DYRK4: variants seen among roughly 807,000 people sequenced by gnomAD.
The protein encoded by DYRK4 is dual specificity tyrosine-phosphorylation-regulated kinase 4.
Under a neutral mutation model 68.3 loss-of-function variants are expected in DYRK4, and 64 were observed. That is an observed-to-expected ratio of 0.94 (90% CI 0.77 to 1.15). The LOEUF (loss-of-function observed/expected upper bound fraction) is 1.15, where lower values mean the gene tolerates loss of function less well. DYRK4 is among the 50% of genes most tolerant of loss of function. The pLI is 0.00. For synonymous variants in DYRK4, 274 were observed against 289.9 expected (o/e 0.95, Z 0.56); for missense variants, 740 against 764.7 (o/e 0.97, Z 0.38).
chr12:4,589,951 A>G (rs1944934856), intron 3 of DYRK4: 1 of 165,332 alleles, frequency 6.0e-6, no homozygotes, highest in Non-Finnish European at 1.3e-5. Context: ...AGTAATAATA[A>G]TAATGGCCAG....
intron 10 of DYRK4, chr12:4,602,502 T>G (rs1263155272): frequency 3.8e-6 from 5 of 1,312,588 alleles, no homozygotes; most frequent in East Asian, 4.6e-5. Context: ...CTTGGACAAG[T>G]CTTGCGGTTG....
chr12:4,607,649 AGCAAATATT>A (rs1171294045), intron 12 of DYRK4, among the ~76,000 whole-genome samples: 2 of 152,220 alleles, frequency 1.3e-5, no homozygotes, highest in African/African-American at 2.4e-5. Context: ...AAGAGCTATC[AGCAAATATT>A]GCAACCTCAA....
At chr12:4,585,755 T>C (rs1262976535) in intron 2 of DYRK4, among the ~76,000 whole-genome samples, 1 of 152,258 alleles carries the variant, frequency 6.6e-6, no homozygotes, top group Non-Finnish European at 1.5e-5. Context: ...TGTGCACATG[T>C]ACCCTAAAAC....
intron 2 of DYRK4, among the ~76,000 whole-genome samples, chr12:4,575,125 G>A (rs976050829): frequency 6.6e-6 from 1 of 152,200 alleles, no homozygotes; most frequent in African/African-American, 2.4e-5. Flanking sequence ...GAACCGCTGG[G>A]TAACAGGATA....
intron 2 of DYRK4, among the ~76,000 whole-genome samples, chr12:4,571,879 C>G (rs1256067478): frequency 2.0e-5 from 3 of 152,232 alleles, no homozygotes; most frequent in Non-Finnish European, 4.4e-5. Flanking sequence ...AAAGGTTTTA[C>G]TGGACTGGCT....
chr12:4,612,550 C>A lies in DYRK4; in HGVS notation c.1498C>A (p.Pro500Thr). The A allele has an allele frequency of 6.2e-7, 1 of 1,613,874 alleles. No individual in the cohort carries two copies. The highest frequency in any genetic ancestry group is 8.5e-7 in the Non-Finnish European group (1 of 1,179,822). The change falls in exon 14 of 15, where the codon CCT (proline) becomes ACT (threonine). Residue 500 changes from proline (P) to threonine (T), a missense_variant. Transcript: ENST00000543431. Reference protein sequence around the residue: ...DFLRRCLVWEPSLRMTPDQAL... With the variant: ...DFLRRCLVWETSLRMTPDQAL... ...GGCTTTGTTGGGGTGCAGATGGGAACCTTCTCTTCGCATGACCCCGGACCA... is the reference window on the plus strand; with the variant it reads ...GGCTTTGTTGGGGTGCAGATGGGAAACTTCTCTTCGCATGACCCCGGACCA...
intron 2 of DYRK4, among the ~76,000 whole-genome samples, chr12:4,584,680 C>T (rs571113455): frequency 1.3e-5 from 2 of 151,560 alleles, no homozygotes; most frequent in Non-Finnish European, 2.9e-5. Flanking sequence ...CTCAGCCTCC[C>T]GAGTAGCTGG....
intron 2 of DYRK4, among the ~76,000 whole-genome samples, chr12:4,586,255 C>G (rs1280844862): frequency 6.6e-6 from 1 of 152,074 alleles, no homozygotes; most frequent in African/African-American, 2.4e-5. Flanking sequence ...TCTCCTGTCC[C>G]CTCTAGAGGC....
intron 2 of DYRK4, among the ~76,000 whole-genome samples, chr12:4,585,609 C>T (rs1311797300): frequency 6.6e-6 from 1 of 151,824 alleles, no homozygotes; most frequent in African/African-American, 2.4e-5. Context: ...AGGGGAACAT[C>T]ACACACCGGG....
At chr12:4,580,796 G>GT (rs1565534575) in intron 2 of DYRK4, 28 of 453,324 alleles carry the variant, frequency 6.2e-5, no homozygotes, top group African/African-American at 4.9e-4. Flanking sequence ...GGCACTTAGG[G>GT]ATTTTTTTTT....
intron 11 of DYRK4, 21 bp from the exon 12 acceptor site, chr12:4,607,306 A>C (rs1020447453): frequency 8.1e-6 from 13 of 1,614,036 alleles, no homozygotes; most frequent in Non-Finnish European, 1.1e-5. Context: ...AGAATGAACC[A>C]ATTGAATTAT....
chr12:4,603,252 T>C lies in DYRK4; in HGVS notation c.1127-1662T>C, dbSNP rs568631431. The C allele has an allele frequency of 6.7e-6, 6 of 897,036 alleles. No homozygotes were observed. The East Asian group carries it at 1.5e-4, about 22-fold the overall frequency. The allele number at this position is 897,036 out of a possible 1,614,324, so 55.6% of individuals were successfully genotyped here. A position where few individuals can be genotyped will look rare whatever the true frequency, so the allele number is the denominator to read the frequency against. ...AGCTGTTTGCTGTGTTCTATTACTG[T>C]TTCATTCTCTTTTAAGTCTTGGTTA... On this transcript the variant is annotated intron_variant, in intron 10 of 14. Coordinates refer to ENST00000543431, the MANE Select transcript of DYRK4 (RefSeq NM_001394779.1).
chr12:4,602,327 T>C (rs2137389610), intron 10 of DYRK4: 1 of 896,194 alleles, frequency 1.1e-6, no homozygotes, highest in East Asian at 2.5e-5. Flanking sequence ...TCTTCTATTT[T>C]CTGTTGCTCT....
At chr12:4,599,663 G>A in intron 9 of DYRK4, 44 bp from the exon 10 acceptor site, 1 of 1,500,058 alleles carries the variant, frequency 6.7e-7, no homozygotes, top group South Asian at 1.1e-5. Context: ...GAGGGCCTAG[G>A]GCCGCATTAC....
intron 4 of DYRK4, chr12:4,590,729 C>T (rs534670994): frequency 8.6e-6 from 4 of 465,660 alleles, no homozygotes; most frequent in African/African-American, 6.0e-5. Context: ...TTAGTTTCCT[C>T]CCATGTCCTC....
At chr12:4,570,838 C>G (rs918690310) in intron 2 of DYRK4, among the ~76,000 whole-genome samples, 1 of 152,156 alleles carries the variant, frequency 6.6e-6, no homozygotes, top group Admixed American at 6.5e-5. Context: ...GTGTGGCGCT[C>G]TCTCTAGTAA....
At chr12:4,612,209 CTTTGT>C (rs2137414052) in intron 13 of DYRK4, among the ~76,000 whole-genome samples, 1 of 152,250 alleles carries the variant, frequency 6.6e-6, no homozygotes, top group African/African-American at 2.4e-5. Context: ...AAATTGAAAT[CTTTGT>C]TTTAATATTC....
rs961251276 is a variant in DYRK4, at chr12:4,585,728, G to A, written c.133-3209G>A. ...ACCAACATGGCAAATGTATACATAT[G>A]TAACAAACCTGCACGTTGTGCACAT... On this transcript the variant is annotated intron_variant, in intron 2 of 14. Coordinates refer to ENST00000543431, the MANE Select transcript of DYRK4 (RefSeq NM_001394779.1). Among the ~76,000 whole-genome samples, 9 of 152,220 alleles carry A rather than the reference G, an allele frequency of 5.9e-5. No homozygotes were observed. In the East Asian group the frequency reaches 7.7e-4, roughly 13 times the overall value.
chr12:4,602,301 CT>C (rs1206012069), intron 10 of DYRK4: 10 of 956,740 alleles, frequency 1.0e-5, no homozygotes, highest in African/African-American at 6.5e-5. Context: ...CATTCTCCCT[CT>C]TTTTTTCTTC....
Sources: gnomAD v4.1 joint callset for allele counts (sites outside exome capture counted in the v4.1 genomes callset) on GRCh38, gnomAD v4.1.1 for gene constraint, MANE v1.5 for transcripts, NCBI Gene and HGNC (gene_info 2026-07-23, HGNC 2026-07-21) for gene names.